SEZ6L2: variants seen among roughly 807,000 people sequenced by gnomAD.
The protein encoded by SEZ6L2 is seizure related 6 homolog like 2, also known as seizure 6-like protein 2.
In SEZ6L2, 44 loss-of-function variants were observed where a neutral mutation model predicts 97.0. That is an observed-to-expected ratio of 0.45 (90% CI 0.36 to 0.58). SEZ6L2 has a LOEUF of 0.58. Ranked by LOEUF, SEZ6L2 falls within the 20% of genes least tolerant of loss-of-function variation. SEZ6L2 has a pLI of 0.00. For synonymous variants in SEZ6L2, 543 were observed against 546.1 expected, an observed-to-expected ratio of 0.99 and a Z score of 0.08; for missense variants, 1,086 against 1,233.3, an observed-to-expected ratio of 0.88 and a Z score of 1.79.
chr16:29,890,688 C>T (rs1334651229), intron 5 of SEZ6L2, among the ~76,000 whole-genome samples: 1 of 150,280 alleles, frequency 6.7e-6, no homozygotes, highest in Non-Finnish European at 1.5e-5. Flanking sequence ...GTTACTTGTT[C>T]TCTTACCTGT....
In SEZ6L2 at chr16:29,898,993, C is replaced by A; in HGVS notation, c.27G>T (p.Pro9=). Residue 9 remains proline, a synonymous_variant, in exon 1 of 18, where the codon CCG becomes CCT. Transcript: ENST00000617533. MGTPRAQH[P]PPPQLLFLIL... is the part of the protein sequence containing the mutation. ...TTAGGAACAGCAGCTGGGGAGGCGG[C>A]GGGTGCTGGGCCCTGGGAGTCCCCA... 1 of 1,610,400 alleles carries A rather than the reference C, an allele frequency of 6.2e-7. No individual in the cohort carries two copies.
chr16:29,887,623 T>TTCTG, intron 7 of SEZ6L2, 26 bp downstream of exon 7: 1 of 1,531,220 alleles, frequency 6.5e-7, no homozygotes, highest in East Asian at 2.3e-5. Context: ...AGGTGGGGAC[T>TTCTG]TCTGACCCAA....
chr16:29,876,867 C>G lies in SEZ6L2; in HGVS notation c.1993G>C (p.Gly665Arg). The change falls in exon 12 of 18, where the codon GGC (glycine) becomes CGC (arginine). Residue 665 changes from glycine to arginine, a missense_variant. Coordinates refer to ENST00000617533, the MANE Select transcript of SEZ6L2 (RefSeq NM_001243332.2). The surrounding 1 kb of genome is among the most constrained non-coding windows in gnomAD (Gnocchi z 6.5). ...TCGCACTGGTAGGTGAGCACCGTGC[C>G]CCGGATCAGGTCCCCGTGGGATGCC... ...RTASHGDLIR[G>R]TVLTYQCEPG... 1 of 1,613,520 alleles carries G rather than the reference C, an allele frequency of 6.2e-7. No homozygotes were observed. Among genetic ancestry groups the G allele is most frequent in the Non-Finnish European group, 8.5e-7 (1 of 1,179,820 alleles).
At chr16:29,897,701 C>T (rs778836624) in intron 2 of SEZ6L2, 152 bp downstream of exon 2, 1 of 941,468 alleles carries the variant, frequency 1.1e-6, no homozygotes, top group Non-Finnish European at 1.5e-6. Context: ...CTCTGACAGT[C>T]TCGTTCTGTG....
intron 8 of SEZ6L2, among the ~76,000 whole-genome samples, chr16:29,883,775 T>A (rs1321909093): frequency 6.6e-6 from 1 of 151,622 alleles, no homozygotes; most frequent in East Asian, 1.9e-4. Context: ...CTACAAAAAA[T>A]GTAAAAATTA....
At chr16:29,882,885 T>C (rs1338515873) in intron 8 of SEZ6L2, among the ~76,000 whole-genome samples, 1 of 152,090 alleles carries the variant, frequency 6.6e-6, no homozygotes, top group Non-Finnish European at 1.5e-5. Context: ...CGTTAGCCAT[T>C]GTGCCTGGCC....
Position 29,878,410 on chromosome 16 carries a change from T to A in SEZ6L2, c.1589A>T (p.Glu530Val), listed in dbSNP as rs765072217. 1 of 1,601,448 alleles carries A rather than the reference T, an allele frequency of 6.2e-7. No individual in the cohort carries two copies. The highest frequency in any genetic ancestry group is 1.7e-5 in the Admixed American group (1 of 58,968). The stretch of plus-strand genomic sequence containing the variant: ...GACCACGCCAGCTGGTTCCGACAGC[T>A]CCCCTCCACACATGGCTAGGGAAAA... ...EPACKAMCGG[E>V]LSEPAGVVLS... The change falls in exon 10 of 18, where the codon GAG becomes GTG. Residue 530 changes from glutamate to valine, a missense_variant. Transcript: ENST00000617533.
Position 29,871,303 on chromosome 16 carries a change from G to A in SEZ6L2, c.*396C>T, listed in dbSNP as rs993798630. 14 of 285,558 alleles carry A rather than the reference G, an allele frequency of 4.9e-5. No individual in the cohort carries two copies. The highest frequency in any genetic ancestry group is 6.3e-5 in the African/African-American group (3 of 47,376). 17.7% of individuals were successfully genotyped at this position (285,558 alleles called of 1,614,324 possible). A position where few individuals can be genotyped will look rare whatever the true frequency, so the allele number is the denominator to read the frequency against. On this transcript the variant is annotated 3_prime_UTR_variant, in exon 18 of 18. Transcript: ENST00000617533. The stretch of plus-strand genomic sequence containing the variant: ...TGTCCTTCTTCTGACCCTCCTGGCC[G>A]GAGTCAGGCCTAGGGCCAGGGCATC...
At position 29,896,955 on chromosome 16, in the gene SEZ6L2, G is replaced by T; in HGVS notation, c.378C>A (p.Pro126=). 6.3e-7 allele frequency: 1 copy of T among 1,598,616 alleles called. No individual in the cohort carries two copies. Among genetic ancestry groups the T allele is most frequent in the Non-Finnish European group, 8.5e-7 (1 of 1,173,828 alleles). The part of the protein sequence containing the change: ...GPTAPELLTP[P]PGTTAPPPPS... ...GTGGGGGTGGGGCTGTGGTTCCTGG[G>T]GGCGGGGTCAGCAGTTCTGGCGCAG... is the stretch of plus-strand genomic sequence containing the variant. The change falls in exon 3 of 18, where the codon CCC becomes CCA. Residue 126 remains proline (P), a synonymous_variant. Coordinates refer to ENST00000617533, the MANE Select transcript of SEZ6L2 (RefSeq NM_001243332.2).
intron 7 of SEZ6L2, among the ~76,000 whole-genome samples, chr16:29,887,200 A>C (rs1343771336): frequency 6.6e-6 from 1 of 151,650 alleles, no homozygotes; most frequent in East Asian, 1.9e-4. Context: ...AAAAAAAAAA[A>C]AAAAAAGGCT....
In SEZ6L2 at chr16:29,897,030, C is replaced by A. The variant is rs1464505832; in HGVS notation, c.303G>T (p.Gly101=). The part of the protein sequence containing the change: ...SLPRATEPGT[G]PLTTAVTPNG... ...TAGGGGTGACGGCTGTTGTCAGAGG[C>A]CCTGTCCCCGGCTCAGTGGCCCGTG... The change falls in exon 3 of 18, where the codon GGG becomes GGT. Residue 101 remains glycine (G), a synonymous_variant. Transcript: ENST00000617533. The A allele has an allele frequency of 6.3e-7, 1 of 1,580,794 alleles. No homozygotes were observed. Among genetic ancestry groups the A allele is most frequent in the Non-Finnish European group, 8.6e-7 (1 of 1,169,366 alleles).
At position 29,873,807 on chromosome 16, in the gene SEZ6L2, C is replaced by G; in HGVS notation, c.2105-78G>C. The G allele has an allele frequency of 7.4e-7, 1 of 1,358,966 alleles. No homozygotes were observed. Among genetic ancestry groups the G allele is most frequent in the Non-Finnish European group, 9.9e-7 (1 of 1,014,168 alleles). The allele number at this position is 1,358,966 out of a possible 1,614,324, so 84.2% of individuals were successfully genotyped here. A position where few individuals can be genotyped will look rare whatever the true frequency, so the allele number is the denominator to read the frequency against. The stretch of plus-strand genomic sequence containing the variant: ...TGGGCAACACAGAGAGACCCCATCT[C>G]TACAAAAAATTGAAAAATTAGCCAG... On this transcript the variant is annotated intron_variant, in intron 12 of 17. Coordinates refer to ENST00000617533, the MANE Select transcript of SEZ6L2 (RefSeq NM_001243332.2). This position sits in a 1 kb window ranked among gnomAD's most constrained non-coding sequence, Gnocchi z 4.3.
At chr16:29,896,098 G>A (rs568623219) in intron 3 of SEZ6L2, among the ~76,000 whole-genome samples, 13 of 152,062 alleles carry the variant, frequency 8.5e-5, no homozygotes, top group Non-Finnish European at 1.6e-4. Flanking sequence ...GAGTAGCTGG[G>A]CCCACAGGTG....
chr16:29,883,485 C>CT (rs965215021), intron 8 of SEZ6L2, among the ~76,000 whole-genome samples: 1 of 151,824 alleles, frequency 6.6e-6, no homozygotes, highest in East Asian at 1.9e-4. Flanking sequence ...ATAATTATTA[C>CT]TTTTTTTTAA....
intron 11 of SEZ6L2, 134 bp from the exon 12 acceptor site, chr16:29,877,084 G>A: frequency 9.1e-7 from 1 of 1,102,322 alleles, no homozygotes; most frequent in Non-Finnish European, 1.3e-6. Context: ...GTTTCCTGTC[G>A]CCCAGGCTGG....
At chr16:29,887,279 TC>T (rs1206368865) in intron 7 of SEZ6L2, among the ~76,000 whole-genome samples, 2 of 148,924 alleles carry the variant, frequency 1.3e-5, no homozygotes, top group Non-Finnish European at 3.0e-5. Context: ...CCACTTAGCC[TC>T]CCTACTTCCC....
At position 29,895,730 on chromosome 16, in the gene SEZ6L2, A is replaced by T. The variant is rs761112032; in HGVS notation, c.642T>A (p.Ile214=). The T allele has an allele frequency of 3.1e-6, 5 of 1,610,740 alleles. No individual in the cohort carries two copies. In the African/African-American group the frequency reaches 6.7e-5, roughly 22 times the overall value. The stretch of plus-strand genomic sequence containing the variant: ...GCTTTGGTCCAGTTACCTGGATCTC[A>T]ATGCCGTAGCCAGGGTAGACATGGA... ...YSIHVYPGYG[I]EIQVQTLNLS... is the part of the protein sequence containing the mutation. The change falls in exon 4 of 18, where the codon ATT becomes ATA. Residue 214 remains isoleucine, a synonymous_variant. Transcript: ENST00000617533.
In SEZ6L2 at chr16:29,897,902, C is replaced by T. The variant is rs371178769; in HGVS notation, c.162G>A (p.Leu54=). ...PTVASEALAE[L]LHGALLRRGP... ...CCCTCCTCAGCAGGGCCCCATGAAG[C>T]AGTTCAGCCAGGGCCTCAGAGGCCA... Residue 54 remains leucine, a synonymous_variant, in exon 2 of 18, where the codon CTG becomes CTA. Coordinates refer to ENST00000617533, the MANE Select transcript of SEZ6L2 (RefSeq NM_001243332.2). 1.6e-5 allele frequency: 26 copies of T among 1,613,490 alleles called. No individual in the cohort carries two copies. In the African/African-American group the frequency reaches 3.2e-4, roughly 20 times the overall value.
At chr16:29,898,809 G>C in intron 1 of SEZ6L2, 132 bp downstream of exon 1, 1 of 679,726 alleles carries the variant, frequency 1.5e-6, no homozygotes. Flanking sequence ...GCTCTGGCTT[G>C]CCCCTTCCCC....
Sources: gnomAD v4.1 joint callset for allele counts (sites outside exome capture counted in the v4.1 genomes callset) on GRCh38, gnomAD v4.1.1 for gene constraint, Gnocchi (gnomAD v3.1) non-coding constraint, MANE v1.5 for transcripts, NCBI Gene and HGNC (gene_info 2026-07-23, HGNC 2026-07-21) for gene names.